Variants in RGS20 observed in about 807,000 individuals in gnomAD.
RGS20 encodes gz-selective GTPase-activating protein.
In RGS20, 30 loss-of-function variants were observed where a neutral mutation model predicts 33.6. That is an observed-to-expected ratio of 0.89 (90% CI 0.67 to 1.21). The LOEUF is 1.21. Among genes scored for constraint, RGS20 ranks in the 50% most tolerant of loss-of-function variants. RGS20 has a pLI of 0.00. For missense variants in RGS20, 472 were observed against 502.4 expected (o/e 0.94, Z 0.58); for synonymous variants, 208 against 197.9 (o/e 1.05, Z -0.43).
At chr8:53,910,662 G>A (rs555114048) in intron 2 of RGS20, among the ~76,000 whole-genome samples, 23 of 152,250 alleles carry the variant, frequency 1.5e-4, no homozygotes, top group Admixed American at 1.3e-3. Flanking sequence ...TTATTCATAA[G>A]CACCCAAAAC....
chr8:53,918,297 T>C (rs11984932), intron 2 of RGS20, among the ~76,000 whole-genome samples: 9,859 of 152,212 alleles, frequency 0.065, 865 homozygotes, highest in African/African-American at 0.2. Context: ...TGGATTTGCC[T>C]AGTCTGAAAA....
At chr8:53,853,685 C>T (rs1811614395) in intron 1 of RGS20, among the ~76,000 whole-genome samples, 1 of 152,178 alleles carries the variant, frequency 6.6e-6, no homozygotes, top group Admixed American at 6.5e-5. Context: ...AACTGCAAAA[C>T]CTTGGGCTAG....
chr8:53,900,142 A>C (rs1812970851), intron 2 of RGS20, among the ~76,000 whole-genome samples: 1 of 152,144 alleles, frequency 6.6e-6, no homozygotes, highest in Non-Finnish European at 1.5e-5. Context: ...GAATATAGAC[A>C]CAAAGGTACA....
chr8:53,874,401 T>TGTGCGTGC (rs1403614307), intron 1 of RGS20, among the ~76,000 whole-genome samples: 5 of 124,906 alleles, frequency 4.0e-5, no homozygotes, highest in African/African-American at 1.8e-4. Flanking sequence ...TGTGTGTGTG[T>TGTGCGTGC]GCGCGCGCGT....
At position 53,951,008 on chromosome 8, in the gene RGS20, G is replaced by A. The variant is rs10435635; in HGVS notation, c.744-3068G>A. ...AGACAGAGCAAGTCACTACTAGAAC[G>A]TTAAATGATTTAGCTTACTAGGAAA... On this transcript the variant is annotated intron_variant, in intron 4 of 5. Coordinates refer to ENST00000297313, the MANE Select transcript of RGS20 (RefSeq NM_170587.4). Among the ~76,000 whole-genome samples the A allele has an allele frequency of 2.6e-5, 4 of 152,278 alleles. No homozygotes were observed. The East Asian group carries it at 5.8e-4, about 22-fold the overall frequency.
rs184732827 is a variant in RGS20 at position 53,934,519 on chromosome 8, T to C, written c.511-5057T>C. Among the ~76,000 whole-genome samples the C allele has an allele frequency of 2.0e-5, 3 of 152,236 alleles. No individual in the cohort carries two copies. In the East Asian group the frequency reaches 5.8e-4, roughly 29 times the overall value. On this transcript the variant is annotated intron_variant, in intron 2 of 5. Transcript: ENST00000297313. ...TCAAAAAAGACAAAGAAGGGCATCA[T>C]TACATAATGGTAAAGGGATCAACAC...
intron 2 of RGS20, among the ~76,000 whole-genome samples, chr8:53,894,677 G>A (rs1461328317): frequency 6.6e-6 from 1 of 152,172 alleles, no homozygotes; most frequent in Admixed American, 6.5e-5. Flanking sequence ...TGAACCACAT[G>A]ATCTAGATTC....
At chr8:53,856,650 T>G (rs1811676848) in intron 1 of RGS20, among the ~76,000 whole-genome samples, 1 of 152,362 alleles carries the variant, frequency 6.6e-6, no homozygotes, top group Admixed American at 6.5e-5. Flanking sequence ...GCATTACAGC[T>G]GCTCTAGTGA....
intron 1 of RGS20, among the ~76,000 whole-genome samples, chr8:53,875,373 A>G (rs1381568337): frequency 7.0e-6 from 1 of 143,680 alleles, no homozygotes; most frequent in African/African-American, 2.6e-5. Context: ...TGGAGGTTGC[A>G]GTGAGCCGAG....
chr8:53,883,291 G>T (rs1163496716), intron 2 of RGS20, among the ~76,000 whole-genome samples: 1 of 151,738 alleles, frequency 6.6e-6, no homozygotes, highest in African/African-American at 2.4e-5. Flanking sequence ...CAAGTAGCTG[G>T]GGCTGGGATT....
At chr8:53,898,850 C>G (rs1812936510) in intron 2 of RGS20, among the ~76,000 whole-genome samples, 1 of 152,164 alleles carries the variant, frequency 6.6e-6, no homozygotes, top group South Asian at 2.1e-4. Flanking sequence ...GTGCTTTTAA[C>G]CAAGGAAAGA....
At chr8:53,896,216 C>A (rs1272037517) in intron 2 of RGS20, among the ~76,000 whole-genome samples, 1 of 152,148 alleles carries the variant, frequency 6.6e-6, no homozygotes, top group Non-Finnish European at 1.5e-5. Flanking sequence ...GAGGTTGAGG[C>A]TGCAGTGGGC....
At chr8:53,923,294 T>G (rs897999616) in intron 2 of RGS20, among the ~76,000 whole-genome samples, 2 of 152,106 alleles carry the variant, frequency 1.3e-5, no homozygotes, top group African/African-American at 2.4e-5. Flanking sequence ...GTATAGAGTT[T>G]CTTCTTTAAA....
chr8:53,925,612 G>A (rs1190878790), intron 2 of RGS20, among the ~76,000 whole-genome samples: 4 of 152,198 alleles, frequency 2.6e-5, no homozygotes, highest in South Asian at 2.1e-4. Context: ...GCACATGCCT[G>A]TAATCCCAGC....
intron 2 of RGS20, among the ~76,000 whole-genome samples, chr8:53,935,703 A>G (rs974237321): frequency 2.0e-5 from 3 of 149,658 alleles, no homozygotes; most frequent in African/African-American, 7.3e-5. Context: ...ACCATTCCAA[A>G]CAATAGAAAC....
intron 2 of RGS20, among the ~76,000 whole-genome samples, chr8:53,931,764 G>A (rs1813970585): frequency 6.6e-6 from 1 of 152,206 alleles, no homozygotes. Flanking sequence ...AGCAGAAGCA[G>A]TGTGGGGTGT....
intron 2 of RGS20, among the ~76,000 whole-genome samples, chr8:53,910,634 C>G (rs967331676): frequency 6.6e-6 from 1 of 152,158 alleles, no homozygotes; most frequent in Admixed American, 6.5e-5. Context: ...AATCTCTGCA[C>G]AAATGTTTAT....
At position 53,931,423 on chromosome 8, in the gene RGS20, T is replaced by G. The variant is rs187151843; in HGVS notation, c.511-8153T>G. ...TACAAAAATTAGCTGGGCGTGGTGG[T>G]GGGCACCTGTAATCCCAGCTACTCA... On this transcript the variant is annotated intron_variant, in intron 2 of 5. Coordinates refer to ENST00000297313, the MANE Select transcript of RGS20 (RefSeq NM_170587.4). 4.1e-4 allele frequency among the ~76,000 whole-genome samples: 63 copies of G among 152,092 alleles called. 1 individual carries two copies. In the East Asian group the frequency reaches 0.011, roughly 27 times the overall value.
chr8:53,896,107 C>G (rs1812848398), intron 2 of RGS20, among the ~76,000 whole-genome samples: 1 of 152,002 alleles, frequency 6.6e-6, no homozygotes, highest in South Asian at 2.1e-4. Flanking sequence ...AAAGCAAGAC[C>G]CTGCCTCTGC....
Sources: allele counts gnomAD v4.1 joint callset (sites outside exome capture counted in the v4.1 genomes callset), GRCh38; gene constraint gnomAD v4.1.1; transcripts MANE v1.5; gene names NCBI Gene and HGNC (gene_info 2026-07-23, HGNC 2026-07-21).